The following GDE1 variants were observed in gnomAD, a reference collection of about 807,000 sequenced individuals.
The protein encoded by GDE1 is RGS16-interacting membrane protein.
In GDE1, 24 loss-of-function variants were observed where a neutral mutation model predicts 32.2. The observed-to-expected ratio is 0.75, with a 90% CI of 0.54 to 1.05. GDE1 has a LOEUF of 1.05. Ranked by LOEUF, GDE1 falls within the 50% of genes least tolerant of loss-of-function variation. The pLI, the probability that GDE1 is intolerant of heterozygous loss-of-function variation, is 0.00. For synonymous variants in GDE1, 159 were observed against 158.6 expected, an observed-to-expected ratio of 1.00 and a Z score of -0.02; for missense variants, 380 against 415.0, an observed-to-expected ratio of 0.92 and a Z score of 0.73.
At chr16:19,520,029 T>TAAAC (rs34148152) in intron 1 of GDE1, among the ~76,000 whole-genome samples, 78,749 of 151,584 alleles carry the variant, frequency 0.52, 23,957 homozygotes, top group African/African-American at 0.84. Flanking sequence ...AATAAATAAA[T>TAAAC]AAAATTATTG....
At chr16:19,518,339 AT>A (rs1325698752) in intron 1 of GDE1, among the ~76,000 whole-genome samples, 12 of 152,196 alleles carry the variant, frequency 7.9e-5, no homozygotes, top group African/African-American at 2.9e-4. Context: ...AAAAACTATT[AT>A]TTATTGAGCC....
intron 1 of GDE1, among the ~76,000 whole-genome samples, chr16:19,520,461 T>C (rs561918931): frequency 1.4e-4 from 21 of 150,204 alleles, no homozygotes; most frequent in Non-Finnish European, 2.8e-4. Context: ...TGATGGCTCA[T>C]GCCTGTAATC....
chr16:19,518,674 G>T (rs1021580132), intron 1 of GDE1, among the ~76,000 whole-genome samples: 1 of 152,002 alleles, frequency 6.6e-6, no homozygotes, highest in Admixed American at 6.6e-5. Flanking sequence ...TTTTATTTAA[G>T]TACCCATAAA....
At chr16:19,518,470 G>A (rs919390703) in intron 1 of GDE1, among the ~76,000 whole-genome samples, 1 of 152,134 alleles carries the variant, frequency 6.6e-6, no homozygotes, top group Non-Finnish European at 1.5e-5. Flanking sequence ...CTGAGACAAA[G>A]AAAGAGTAGG....
At chr16:19,516,046 TG>T (rs1969376674) in intron 2 of GDE1, among the ~76,000 whole-genome samples, 1 of 152,228 alleles carries the variant, frequency 6.6e-6, no homozygotes, top group Admixed American at 6.5e-5. Flanking sequence ...AAGAATCAGC[TG>T]ATGTGGACTG....
At chr16:19,520,069 C>A (rs1247972666) in intron 1 of GDE1, among the ~76,000 whole-genome samples, 1 of 151,974 alleles carries the variant, frequency 6.6e-6, no homozygotes, top group Non-Finnish European at 1.5e-5. Flanking sequence ...TACATATATA[C>A]ATTTCTGACA....
chr16:19,518,549 A>G (rs1969410136), intron 1 of GDE1, among the ~76,000 whole-genome samples: 2 of 152,210 alleles, frequency 1.3e-5, no homozygotes, highest in African/African-American at 2.4e-5. Flanking sequence ...CAGTTTTACT[A>G]TCAACACTAC....
chr16:19,505,136 G>GT (rs1445280171), intron 4 of GDE1, 44 bp from the exon 5 acceptor site: 1 of 1,290,606 alleles, frequency 7.7e-7, no homozygotes, highest in African/African-American at 1.5e-5. Context: ...CATATGTAAA[G>GT]TTGAATACTT....
At chr16:19,511,699 A>T (rs980280708) in intron 2 of GDE1, among the ~76,000 whole-genome samples, 4 of 151,954 alleles carry the variant, frequency 2.6e-5, no homozygotes, top group Non-Finnish European at 5.9e-5. Context: ...AATTCTCCTT[A>T]TTCTCCTCTT....
At chr16:19,512,733 A>G (rs1969333273) in intron 2 of GDE1, among the ~76,000 whole-genome samples, 1 of 152,064 alleles carries the variant, frequency 6.6e-6, no homozygotes, top group Non-Finnish European at 1.5e-5. Context: ...TGATTTTTTA[A>G]ATATAGTGAG....
At chr16:19,514,342 C>T (rs576665029) in intron 2 of GDE1, among the ~76,000 whole-genome samples, 74 of 152,244 alleles carry the variant, frequency 4.9e-4, no homozygotes, top group African/African-American at 1.7e-3. Flanking sequence ...ATTCAGGAAC[C>T]TCCATGTGTT....
At chr16:19,518,926 C>T (rs1285972828) in intron 1 of GDE1, among the ~76,000 whole-genome samples, 1 of 152,090 alleles carries the variant, frequency 6.6e-6, no homozygotes, top group Non-Finnish European at 1.5e-5. Flanking sequence ...CAATCAACCC[C>T]GACGTCTGTG....
intron 2 of GDE1, among the ~76,000 whole-genome samples, chr16:19,511,514 G>A (rs760913313): frequency 2.6e-4 from 39 of 151,810 alleles, no homozygotes; most frequent in Non-Finnish European, 4.7e-4. Context: ...ATAAAATCAG[G>A]GTATTTAGGA....
chr16:19,509,027 C>T (rs141651281), intron 3 of GDE1, among the ~76,000 whole-genome samples: 3,224 of 152,274 alleles, frequency 0.021, 111 homozygotes, highest in African/African-American at 0.072. Flanking sequence ...AGAAGCCAGG[C>T]GTGGTGGCTC....
In GDE1 at chr16:19,503,586, T is replaced by A; in HGVS notation, c.880A>T (p.Ile294Phe). ...TTAACAGTCCAACCAACAACCTGGA[T>A]TCCTTTAGCTGACCACTTCTTCAAG... is the stretch of plus-strand genomic sequence containing the variant. ...AYLKKWSAKG[I>F]QVVGWTVNTF... The change falls in exon 6 of 6, where the codon ATC becomes TTC. Residue 294 changes from isoleucine to phenylalanine, a missense_variant. By Grantham distance (21) the Ile-to-Phe change is conservative. Transcript: ENST00000353258. The A allele has an allele frequency of 6.2e-7, 1 of 1,613,906 alleles. No individual in the cohort carries two copies. Among genetic ancestry groups the A allele is most frequent in the Non-Finnish European group, 8.5e-7 (1 of 1,179,780 alleles).
intron 2 of GDE1, among the ~76,000 whole-genome samples, chr16:19,515,659 C>T (rs1027723115): frequency 1.3e-5 from 2 of 152,138 alleles, no homozygotes; most frequent in Non-Finnish European, 2.9e-5. Flanking sequence ...GCAACTTGGA[C>T]TCATAATTCT....
intron 5 of GDE1, chr16:19,503,899 T>TGTC: frequency 3.1e-6 from 1 of 326,156 alleles, no homozygotes; most frequent in East Asian, 4.9e-5. Context: ...GGCCCCGACC[T>TGTC]GTCTCCTTGG....
At chr16:19,517,223 T>C (rs1485342004) in intron 1 of GDE1, 34 bp from the exon 2 acceptor site, 2 of 1,560,354 alleles carry the variant, frequency 1.3e-6, no homozygotes, top group South Asian at 2.2e-5. Flanking sequence ...TACTGTCAAA[T>C]GGCCACAAAC....
intron 3 of GDE1, among the ~76,000 whole-genome samples, chr16:19,510,504 G>A (rs529874516): frequency 3.3e-5 from 5 of 152,006 alleles, no homozygotes; most frequent in African/African-American, 4.8e-5. Flanking sequence ...TTTTTTTCAA[G>A]TAACTCAAGG....
Sources: gnomAD v4.1 joint callset for allele counts (sites outside exome capture counted in the v4.1 genomes callset) on GRCh38, gnomAD v4.1.1 for gene constraint, MANE v1.5 for transcripts, NCBI Gene and HGNC (gene_info 2026-07-23, HGNC 2026-07-21) for gene names.